APAF1: variants seen among roughly 807,000 people sequenced by gnomAD.
The protein encoded by APAF1 is apoptotic peptidase activating factor 1, also known as apoptotic protease-activating factor 1.
In APAF1, 91 loss-of-function variants were observed where a neutral mutation model predicts 152.4. That is an observed-to-expected ratio of 0.60 (90% CI 0.50 to 0.71). The LOEUF (loss-of-function observed/expected upper bound fraction) is 0.71. Ranked by LOEUF, APAF1 falls within the 30% of genes least tolerant of loss-of-function variation. APAF1 has a pLI of 0.00. For missense variants in APAF1, 1,283 were observed against 1,472.0 expected, an observed-to-expected ratio of 0.87 and a Z score of 2.10; for synonymous variants, 484 against 494.1, an observed-to-expected ratio of 0.98 and a Z score of 0.27.
intron 26 of APAF1, 44 bp from the exon 27 acceptor site, chr12:98,732,376 G>A (rs2097763690): frequency 6.4e-7 from 1 of 1,574,348 alleles, no homozygotes; most frequent in Middle Eastern, 1.7e-4. Flanking sequence ...TTGTCACACA[G>A]TGTAATTACC....
At position 98,706,570 on chromosome 12, in the gene APAF1, G is replaced by T; in HGVS notation, c.2681G>T (p.Gly894Val). The T allele has an allele frequency of 6.2e-7, 1 of 1,613,998 alleles. No individual in the cohort carries two copies. Residue 894 changes from glycine (G) to valine (V), a missense_variant, in exon 19 of 27, where the codon GGA becomes GTA. Transcript: ENST00000551964. ...CATGGTGTGATGTTTTCTCCTGATG[G>T]ATCATCATTTTTGACATCTTCTGAT... ...WVHGVMFSPD[G>V]SSFLTSSDDQ... is the part of the protein sequence containing the mutation.
At chr12:98,732,340 G>A in intron 26 of APAF1, 80 bp from the exon 27 acceptor site, 3 of 1,297,112 alleles carry the variant, frequency 2.3e-6, no homozygotes, top group Non-Finnish European at 2.2e-6. Flanking sequence ...GAGGAGATAG[G>A]GTAAAGGATC....
intron 26 of APAF1, 123 bp from the exon 27 acceptor site, chr12:98,732,296 AT>A: frequency 1.2e-6 from 1 of 827,946 alleles, no homozygotes; most frequent in Non-Finnish European, 2.0e-6. Flanking sequence ...AATCCGAGAC[AT>A]TTTCCTCCTG....
chr12:98,718,522 G>A (rs1256616247), intron 22 of APAF1, among the ~76,000 whole-genome samples: 1 of 151,798 alleles, frequency 6.6e-6, no homozygotes, highest in Non-Finnish European at 1.5e-5. Context: ...GTGAGCCACC[G>A]TGCCCGGCCT....
chr12:98,675,763 TCATCA>T (rs1486996608), intron 12 of APAF1, among the ~76,000 whole-genome samples: 4 of 152,216 alleles, frequency 2.6e-5, no homozygotes, highest in Non-Finnish European at 1.5e-5. Flanking sequence ...AACCAATCCC[TCATCA>T]ATACTGAGGA....
chr12:98,651,588 G>T (rs2097649046), intron 4 of APAF1, among the ~76,000 whole-genome samples: 1 of 152,194 alleles, frequency 6.6e-6, no homozygotes, highest in Non-Finnish European at 1.5e-5. Context: ...AGCAAAGCTG[G>T]GTTGAACTTC....
At chr12:98,707,651 T>C (rs1393103813) in intron 19 of APAF1, among the ~76,000 whole-genome samples, 2 of 150,186 alleles carry the variant, frequency 1.3e-5, no homozygotes, top group African/African-American at 4.9e-5. Context: ...ATAGCTAAAA[T>C]TCATTCAGTG....
chr12:98,713,042 C>T (rs563491267), intron 21 of APAF1, among the ~76,000 whole-genome samples: 14 of 152,318 alleles, frequency 9.2e-5, no homozygotes, highest in African/African-American at 3.4e-4. Flanking sequence ...TGGCCTTAAA[C>T]TCTTGGGCTC....
intron 10 of APAF1, among the ~76,000 whole-genome samples, chr12:98,670,615 A>T (rs1054129421): frequency 7.2e-5 from 11 of 151,992 alleles, no homozygotes; most frequent in African/African-American, 2.2e-4. Context: ...AGTTAAATAC[A>T]CTTTTATATA....
At chr12:98,649,400 C>T in intron 3 of APAF1, 87 bp from the exon 4 acceptor site, 1 of 1,485,050 alleles carries the variant, frequency 6.7e-7, no homozygotes, top group Non-Finnish European at 9.3e-7. Flanking sequence ...GGCTAAGCCT[C>T]AGCTTTGCTC....
At chr12:98,659,559 C>G (rs1260528573) in intron 5 of APAF1, among the ~76,000 whole-genome samples, 3 of 151,712 alleles carry the variant, frequency 2.0e-5, no homozygotes, top group African/African-American at 7.3e-5. Context: ...CAAGACCAGC[C>G]TGACTAACAT....
At chr12:98,677,604 C>T in intron 13 of APAF1, 53 bp downstream of exon 13, 2 of 1,610,538 alleles carry the variant, frequency 1.2e-6, no homozygotes, top group South Asian at 2.2e-5. Context: ...CAGTTTTGTG[C>T]AGATCAGAAT....
intron 11 of APAF1, 79 bp from the exon 12 acceptor site, chr12:98,671,456 A>G: frequency 2.2e-6 from 3 of 1,370,210 alleles, no homozygotes; most frequent in Non-Finnish European, 3.1e-6. Context: ...AAGCTTTTAA[A>G]GTGGCAAGAT....
In APAF1 at chr12:98,689,002, T is replaced by C. The variant is rs544106172; in HGVS notation, c.2304+2129T>C. On this transcript the variant is annotated intron_variant, in intron 16 of 26. Coordinates refer to ENST00000551964, the MANE Select transcript of APAF1 (RefSeq NM_181861.2). Reference sequence around the variant, plus strand: ...TAATTTTTTGTACTTTTATTAGAGATGGGGTTTTGCCTATGTTTCCCAGGC... The same window carrying C: ...TAATTTTTTGTACTTTTATTAGAGACGGGGTTTTGCCTATGTTTCCCAGGC... 2.0e-5 allele frequency among the ~76,000 whole-genome samples: 3 copies of C among 151,986 alleles called. No homozygotes were observed. In the South Asian group the frequency reaches 6.2e-4, roughly 32 times the overall value.
intron 14 of APAF1, among the ~76,000 whole-genome samples, chr12:98,682,115 G>T (rs1309682256): frequency 1.3e-5 from 2 of 148,502 alleles, no homozygotes; most frequent in African/African-American, 5.0e-5. Flanking sequence ...CTGCAGTGGC[G>T]CTATCTCGGC....
chr12:98,716,573 T>G (rs1018842926), intron 22 of APAF1, among the ~76,000 whole-genome samples: 1 of 152,234 alleles, frequency 6.6e-6, no homozygotes, highest in Admixed American at 6.5e-5. Context: ...GCCTAATCTT[T>G]CTCTCTGGAA....
In APAF1 at chr12:98,732,428, C is replaced by T. The variant is rs750647611; in HGVS notation, c.3609C>T (p.Asn1203=). The change falls in exon 27 of 27, where the codon AAC becomes AAT. Residue 1203 remains asparagine, a synonymous_variant. Coordinates refer to ENST00000551964, the MANE Select transcript of APAF1 (RefSeq NM_181861.2). The part of the protein sequence containing the change: ...ISAGGYIKWW[N]VVTGESSQTF... ...TATTTTTCTCTGAACAGTGGTGGAA[C>T]GTTGTCACTGGGGAATCCTCACAGA... is the stretch of plus-strand genomic sequence containing the variant. 9 of 1,613,284 alleles carry T rather than the reference C, an allele frequency of 5.6e-6. No homozygotes were observed. Among genetic ancestry groups the T allele is most frequent in the East Asian group, 2.2e-5 (1 of 44,876 alleles).
chr12:98,681,091 T>C (rs1339181498), intron 14 of APAF1, among the ~76,000 whole-genome samples: 1 of 152,184 alleles, frequency 6.6e-6, no homozygotes, highest in East Asian at 1.9e-4. Flanking sequence ...AGGCAGAGTC[T>C]TGCTCTGACA....
intron 12 of APAF1, among the ~76,000 whole-genome samples, chr12:98,672,529 T>G (rs2097681545): frequency 6.6e-6 from 1 of 151,908 alleles, no homozygotes; most frequent in Non-Finnish European, 1.5e-5. Context: ...GCACATATAG[T>G]CCTTATTAAA....
Sources: gnomAD v4.1 joint callset for allele counts (sites outside exome capture counted in the v4.1 genomes callset) on GRCh38, gnomAD v4.1.1 for gene constraint, MANE v1.5 for transcripts, NCBI Gene and HGNC (gene_info 2026-07-23, HGNC 2026-07-21) for gene names.